The following CMSS1 variants were observed in gnomAD, a reference collection of about 807,000 sequenced individuals.
The protein encoded by CMSS1 is protein CMSS1.
In CMSS1, 33 loss-of-function variants were observed where a neutral mutation model predicts 43.5. The ratio of observed to expected loss-of-function variants is 0.76; its 90% CI spans 0.57 to 1.01. CMSS1 has a LOEUF of 1.01. Among genes scored for constraint, CMSS1 ranks in the 50% least tolerant of loss-of-function variants. The pLI, the probability that CMSS1 is intolerant of heterozygous loss-of-function variation, is 0.00. For missense variants in CMSS1, 313 were observed against 326.4 expected, an observed-to-expected ratio of 0.96 and a Z score of 0.32; for synonymous variants, 115 against 117.2, an observed-to-expected ratio of 0.98 and a Z score of 0.12.
At chr3:99,925,587 A>G (rs911066579) in intron 1 of CMSS1, among the ~76,000 whole-genome samples, 1 of 147,890 alleles carries the variant, frequency 6.8e-6, no homozygotes, top group South Asian at 2.2e-4. Flanking sequence ...TTTAAAAAAA[A>G]TTTTTGATTA....
At chr3:100,117,848 T>TATAC (rs1553715629) in intron 1 of CMSS1, among the ~76,000 whole-genome samples, 2,315 of 90,434 alleles carry the variant, frequency 0.026, 20 homozygotes, top group Non-Finnish European at 0.04. Flanking sequence ...TATATATATA[T>TATAC]ATATACATAT....
At chr3:99,874,547 A>G (rs1705406427) in intron 1 of CMSS1, 2 of 152,196 alleles carry the variant, frequency 1.3e-5, no homozygotes, top group East Asian at 3.8e-4. Flanking sequence ...TGCAGTTTAT[A>G]TAGCCTATCC....
At chr3:100,149,299 T>C (rs989529596) in intron 2 of CMSS1, among the ~76,000 whole-genome samples, 1 of 152,182 alleles carries the variant, frequency 6.6e-6, no homozygotes, top group Non-Finnish European at 1.5e-5. Flanking sequence ...AGAGATGGGT[T>C]CTGGGGGTCA....
chr3:99,949,522 G>A (rs1394935290), intron 1 of CMSS1, among the ~76,000 whole-genome samples: 2 of 152,142 alleles, frequency 1.3e-5, no homozygotes, highest in African/African-American at 2.4e-5. Flanking sequence ...CTCGCAGTAC[G>A]TTTTATCAGT....
chr3:100,109,225 A>T (rs2066445700), intron 1 of CMSS1, among the ~76,000 whole-genome samples: 1 of 152,134 alleles, frequency 6.6e-6, no homozygotes, highest in South Asian at 2.1e-4. Context: ...ATCCTAAAAA[A>T]AAATTTTTCA....
intron 2 of CMSS1, among the ~76,000 whole-genome samples, chr3:100,152,322 C>T (rs1273954122): frequency 6.6e-6 from 1 of 152,070 alleles, no homozygotes; most frequent in African/African-American, 2.4e-5. Flanking sequence ...CTCTGACTCT[C>T]TCAGCCCAAA....
chr3:99,871,230 T>C (rs1245905462), intron 1 of CMSS1, among the ~76,000 whole-genome samples: 1 of 152,216 alleles, frequency 6.6e-6, no homozygotes, highest in African/African-American at 2.4e-5. Flanking sequence ...TTGCTTTAAG[T>C]AGTGGCTGAG....
intron 1 of CMSS1, among the ~76,000 whole-genome samples, chr3:99,887,998 C>T (rs1393223755): frequency 6.6e-6 from 1 of 152,138 alleles, no homozygotes; most frequent in East Asian, 1.9e-4. Context: ...TCCACCTTGG[C>T]CTCCCAAAGT....
intron 1 of CMSS1, among the ~76,000 whole-genome samples, chr3:99,822,681 G>C (rs1576488882): frequency 6.6e-6 from 1 of 151,986 alleles, no homozygotes. Flanking sequence ...GCAGTGAGCC[G>C]AGGTCGTGCC....
At chr3:100,114,963 T>C (rs750314915) in intron 1 of CMSS1, 10 of 1,535,828 alleles carry the variant, frequency 6.5e-6, no homozygotes, top group Non-Finnish European at 8.7e-6. Flanking sequence ...GGCAAAGTGC[T>C]GAGGAAACTC....
chr3:100,083,000 G>A (rs1414410005), intron 1 of CMSS1, among the ~76,000 whole-genome samples: 2 of 152,106 alleles, frequency 1.3e-5, no homozygotes, highest in African/African-American at 4.8e-5. Flanking sequence ...AAAAATTCAA[G>A]TTTAGTCTAG....
intron 1 of CMSS1, among the ~76,000 whole-genome samples, chr3:99,888,910 T>G (rs1315011549): frequency 6.6e-6 from 1 of 152,182 alleles, no homozygotes; most frequent in Non-Finnish European, 1.5e-5. Flanking sequence ...GCTTCTTAAT[T>G]TTTATAAACA....
chr3:99,983,931 G>A (rs999324198), intron 1 of CMSS1, among the ~76,000 whole-genome samples: 3 of 152,066 alleles, frequency 2.0e-5, no homozygotes, highest in African/African-American at 7.2e-5. Flanking sequence ...GCCAAGAGAG[G>A]AAAATGTCCT....
At chr3:100,162,916 A>C (rs2067036339) in intron 4 of CMSS1, among the ~76,000 whole-genome samples, 1 of 152,200 alleles carries the variant, frequency 6.6e-6, no homozygotes, top group Admixed American at 6.5e-5. Context: ...CCGAGGTTAC[A>C]GTGAGCCAAG....
intron 1 of CMSS1, among the ~76,000 whole-genome samples, chr3:99,973,904 A>G (rs954555860): frequency 1.4e-4 from 22 of 152,180 alleles, no homozygotes; most frequent in African/African-American, 5.3e-4. Flanking sequence ...TATATAATTG[A>G]TAAATAACTT....
At chr3:100,164,606 G>A (rs1226161609) in intron 4 of CMSS1, among the ~76,000 whole-genome samples, 4 of 152,108 alleles carry the variant, frequency 2.6e-5, no homozygotes, top group African/African-American at 9.7e-5. Flanking sequence ...GGCCATTTAA[G>A]ACACAATAAA....
At chr3:100,120,986 TG>T (rs2066614222) in intron 1 of CMSS1, among the ~76,000 whole-genome samples, 1 of 152,166 alleles carries the variant, frequency 6.6e-6, no homozygotes, top group Non-Finnish European at 1.5e-5. Flanking sequence ...ATGAAAATTG[TG>T]TGGCTCAGCT....
In CMSS1 at chr3:99,958,685, C is replaced by A. The variant is rs189795083; in HGVS notation, c.64+140642C>A. ...AGAAGAGAGCTGGGGGCAGAGCAGG[C>A]AGTGTGAGGCATAGAGGCATGAGCC... On this transcript the variant is annotated intron_variant, in intron 1 of 9. Transcript: ENST00000421999. 2.5e-3 allele frequency among the ~76,000 whole-genome samples: 374 copies of A among 152,176 alleles called. 1 individual carries two copies. Among genetic ancestry groups the A allele is most frequent in the Non-Finnish European group, 2.4e-3 (163 of 68,022 alleles).
intron 1 of CMSS1, among the ~76,000 whole-genome samples, chr3:100,087,848 T>G (rs868120892): frequency 6.7e-5 from 10 of 148,308 alleles, no homozygotes; most frequent in Middle Eastern, 3.4e-3. Flanking sequence ...TTTTTTTTTT[T>G]TTTTTTGAGT....
Sources: allele counts gnomAD v4.1 joint callset (sites outside exome capture counted in the v4.1 genomes callset), GRCh38; gene constraint gnomAD v4.1.1; transcripts MANE v1.5; gene names NCBI Gene and HGNC (gene_info 2026-07-23, HGNC 2026-07-21).